The following TAOK3 variants were observed in gnomAD, a reference collection of about 807,000 sequenced individuals.
TAOK3 encodes the protein serine/threonine-protein kinase TAO3.
Under a neutral mutation model 120.4 loss-of-function variants are expected in TAOK3, and 40 were observed. The observed-to-expected ratio is 0.33, with a 90% confidence interval of 0.26 to 0.43. TAOK3 has a LOEUF of 0.43. Among genes scored for constraint, TAOK3 ranks in the 20% least tolerant of loss-of-function variants. The probability of loss-of-function intolerance (pLI) is 1.00; values close to 1 mark genes in which losing one functional copy is unlikely to be tolerated. For synonymous variants in TAOK3, 355 were observed against 387.5 expected (o/e 0.92, Z 0.99); for missense variants, 821 against 1,112.1 (o/e 0.74, Z 3.72).
At chr12:118,195,103 T>TTTTAAAAA (rs1288595753) in intron 13 of TAOK3, among the ~76,000 whole-genome samples, 1 of 152,028 alleles carries the variant, frequency 6.6e-6, no homozygotes, top group Non-Finnish European at 1.5e-5. Context: ...TTTTATAGAA[T>TTTTAAAAA]GAAGTGTTGT....
intron 17 of TAOK3, among the ~76,000 whole-genome samples, chr12:118,167,309 A>G (rs1565882681): frequency 6.6e-6 from 1 of 152,180 alleles, no homozygotes; most frequent in Non-Finnish European, 1.5e-5. Flanking sequence ...ACTCCTTTAG[A>G]GAGCAATTTA....
intron 17 of TAOK3, among the ~76,000 whole-genome samples, chr12:118,167,685 C>CTTTT (rs1317138009): frequency 7.2e-6 from 1 of 139,264 alleles, no homozygotes; most frequent in Non-Finnish European, 1.6e-5. Context: ...TTTTTTTTTC[C>CTTTT]TTTTTTTGCA....
At chr12:118,239,753 T>A (rs1254073023) in intron 5 of TAOK3, among the ~76,000 whole-genome samples, 1 of 152,234 alleles carries the variant, frequency 6.6e-6, no homozygotes, top group Non-Finnish European at 1.5e-5. Context: ...AAACAGATAT[T>A]GTTTTGAACT....
Position 118,318,466 on chromosome 12 carries a change from AAT to A in TAOK3, c.-193-51709_-193-51708del, listed in dbSNP as rs566074919. On this transcript the variant is annotated intron_variant, in intron 1 of 20. Coordinates refer to ENST00000392533, the MANE Select transcript of TAOK3 (RefSeq NM_016281.4). ...CCGCTGCGCCTGGCCACAACTCTTA[AAT>A]ATAGGGACAAATCTGCATGACCATG... Among the ~76,000 whole-genome samples the A allele has an allele frequency of 2.0e-5, 3 of 152,242 alleles. No homozygotes were observed. The South Asian group carries it at 6.2e-4, about 32-fold the overall frequency.
chr12:118,358,984 C>T (rs369864834), intron 1 of TAOK3: 8 of 152,042 alleles, frequency 5.3e-5, no homozygotes, highest in African/African-American at 1.2e-4. Flanking sequence ...TTAAAAATTC[C>T]GTATTTAGCT....
At chr12:118,294,295 G>T (rs1007367524) in intron 1 of TAOK3, among the ~76,000 whole-genome samples, 7 of 151,922 alleles carry the variant, frequency 4.6e-5, no homozygotes, top group African/African-American at 1.5e-4. Context: ...GTCAGTAAAC[G>T]TCTCTCTCCA....
At chr12:118,343,341 C>T (rs926318733) in intron 1 of TAOK3, among the ~76,000 whole-genome samples, 3 of 150,744 alleles carry the variant, frequency 2.0e-5, no homozygotes, top group South Asian at 2.1e-4. Flanking sequence ...GTGGGAGAAT[C>T]GCTTGAACCC....
intron 1 of TAOK3, among the ~76,000 whole-genome samples, chr12:118,274,028 G>A (rs889421968): frequency 2.6e-5 from 4 of 151,552 alleles, no homozygotes; most frequent in Non-Finnish European, 2.9e-5. Flanking sequence ...TATCTTTTTC[G>A]AAGTCACATA....
chr12:118,200,279 T>G (rs939656666), intron 12 of TAOK3: 5 of 152,224 alleles, frequency 3.3e-5, no homozygotes, highest in African/African-American at 4.8e-5. Flanking sequence ...AAAATACTCC[T>G]GTTCTTGTTA....
chr12:118,203,008 G>A (rs1474942274), intron 11 of TAOK3, among the ~76,000 whole-genome samples: 1 of 151,850 alleles, frequency 6.6e-6, no homozygotes, highest in Non-Finnish European at 1.5e-5. Flanking sequence ...TTAAACTCCT[G>A]AGCTCAAGTG....
At chr12:118,341,454 G>C (rs539940043) in intron 1 of TAOK3, among the ~76,000 whole-genome samples, 1 of 151,900 alleles carries the variant, frequency 6.6e-6, no homozygotes, top group Admixed American at 6.5e-5. Flanking sequence ...TCCAAATTTT[G>C]TTTTAATGGC....
chr12:118,163,448 T>G (rs376872118), intron 17 of TAOK3, among the ~76,000 whole-genome samples: 54 of 123,912 alleles, frequency 4.4e-4, no homozygotes, highest in East Asian at 4.3e-3. Flanking sequence ...ACTTTTTTTT[T>G]GGGGGGGGTG....
intron 11 of TAOK3, among the ~76,000 whole-genome samples, chr12:118,207,856 T>TCGCACA (rs1368625660): frequency 4.0e-5 from 2 of 49,604 alleles, no homozygotes; most frequent in African/African-American, 1.2e-4. Flanking sequence ...CGAGACTCTG[T>TCGCACA]CTCACACACA....
chr12:118,293,546 G>A (rs774932523), intron 1 of TAOK3, among the ~76,000 whole-genome samples: 7 of 151,034 alleles, frequency 4.6e-5, no homozygotes, highest in African/African-American at 7.3e-5. Context: ...GTGGTGGCAC[G>A]CACCTGTAAT....
At position 118,336,069 on chromosome 12, in the gene TAOK3, G is replaced by A. The variant is rs569294705; in HGVS notation, c.-194+36579C>T. Reference sequence around the variant, plus strand: ...ACAATTCCTATCAAAATCCCAGCACGGATTTTCGTAGACATAGGCAAGCTA... The same window carrying A: ...ACAATTCCTATCAAAATCCCAGCACAGATTTTCGTAGACATAGGCAAGCTA... On this transcript the variant is annotated intron_variant, in intron 1 of 20. Coordinates refer to ENST00000392533, the MANE Select transcript of TAOK3 (RefSeq NM_016281.4). 2.0e-4 allele frequency among the ~76,000 whole-genome samples: 31 copies of A among 152,188 alleles called. 1 individual carries two copies. The highest frequency in any genetic ancestry group is 8.3e-4 in the South Asian group (4 of 4,816).
Position 118,160,198 on chromosome 12 carries a change from A to G in TAOK3, c.2300T>C (p.Ile767Thr). 4 of 1,614,218 alleles carry G rather than the reference A, an allele frequency of 2.5e-6. No individual in the cohort carries two copies. Among genetic ancestry groups the G allele is most frequent in the African/African-American group, 2.7e-5 (2 of 75,052 alleles). ...LKDEQTRKLA[I>T]LAEQYEQSIN... ...ACTCTGTTCATACTGCTCTGCCAAA[A>G]TGGCAAGTTTTCTTGTCTGCTCATC... The change falls in exon 19 of 21, where the codon ATT becomes ACT. Residue 767 changes from isoleucine (I) to threonine (T), a missense_variant. Coordinates refer to ENST00000392533, the MANE Select transcript of TAOK3 (RefSeq NM_016281.4). The surrounding 1 kb of genome is among the most constrained non-coding windows in gnomAD (Gnocchi z 4.2).
At chr12:118,200,832 G>A (rs2037983204) in intron 12 of TAOK3, 1 of 152,620 alleles carries the variant, frequency 6.6e-6, no homozygotes, top group Non-Finnish European at 1.5e-5. Context: ...CCTCTACGAT[G>A]TTTCTCTAAA....
intron 17 of TAOK3, among the ~76,000 whole-genome samples, chr12:118,170,254 T>C (rs1451283785): frequency 2.6e-5 from 4 of 152,172 alleles, no homozygotes; most frequent in South Asian, 4.2e-4. Context: ...GAAATATTAA[T>C]ACCACAGGTA....
rs765520762 is a variant in TAOK3 at position 118,244,922 on chromosome 12, ATCT to A, written c.161_163del (p.Lys54del). The A allele has an allele frequency of 1.9e-6, 3 of 1,609,820 alleles. No homozygotes were observed. The highest frequency in any genetic ancestry group is 2.5e-6 in the Non-Finnish European group (3 of 1,176,618). On this transcript the variant is annotated inframe_deletion, in exon 4 of 21. Coordinates refer to ENST00000392533, the MANE Select transcript of TAOK3 (RefSeq NM_016281.4). ...ATGGGTCTGCTTCCCACTATAGGAC[ATCT>A]TCTTAATTGCCACCACCTCACTGGT...
Sources: gnomAD v4.1 joint callset for allele counts (sites outside exome capture counted in the v4.1 genomes callset) on GRCh38, gnomAD v4.1.1 for gene constraint, Gnocchi (gnomAD v3.1) non-coding constraint, MANE v1.5 for transcripts, NCBI Gene and HGNC (gene_info 2026-07-23, HGNC 2026-07-21) for gene names.